The following MYO1B variants were observed in gnomAD, a reference collection of about 807,000 sequenced individuals.
MYO1B encodes unconventional myosin-Ib.
Under a neutral mutation model 159.7 loss-of-function variants are expected in MYO1B, and 72 were observed. That is an observed-to-expected ratio of 0.45 (90% CI 0.37 to 0.55). MYO1B has a LOEUF of 0.55. Among genes scored for constraint, MYO1B ranks in the 20% least tolerant of loss-of-function variants. MYO1B has a pLI of 0.00. For synonymous variants in MYO1B, 468 were observed against 473.8 expected (o/e 0.99, Z 0.16); for missense variants, 1,062 against 1,364.8 (o/e 0.78, Z 3.50).
intron 4 of MYO1B, among the ~76,000 whole-genome samples, chr2:191,337,180 T>C (rs2125937116): frequency 6.6e-6 from 1 of 152,344 alleles, no homozygotes. Context: ...CCCATCCTTT[T>C]GTCATCATGA....
intron 18 of MYO1B, 79 bp downstream of exon 18, chr2:191,390,571 G>A: frequency 7.0e-7 from 1 of 1,430,832 alleles, no homozygotes; most frequent in Non-Finnish European, 9.3e-7. Flanking sequence ...CATGCTGTTA[G>A]ATAAAACAGA....
intron 15 of MYO1B, 124 bp downstream of exon 15, chr2:191,383,466 A>ATACACATATATATGTGTG (rs1695177701): frequency 5.3e-4 from 12 of 22,820 alleles, no homozygotes; most frequent in Admixed American, 8.3e-4. Flanking sequence ...ATATATATAT[A>ATACACATATATATGTGTG]TATATATACA....
Position 191,334,066 on chromosome 2 carries a change from T to C in MYO1B, c.346+4037T>C, listed in dbSNP as rs148831945. On this transcript the variant is annotated intron_variant, in intron 4 of 30. Coordinates refer to ENST00000392318, the MANE Select transcript of MYO1B (RefSeq NM_001130158.3). ...AGAAAAGAAAATATTCCTAAGCCTCTTTCATTCTTACATTCTTTAGCTTTT... is the reference window on the plus strand; with the variant it reads ...AGAAAAGAAAATATTCCTAAGCCTCCTTCATTCTTACATTCTTTAGCTTTT... 1.9e-3 allele frequency among the ~76,000 whole-genome samples: 295 copies of C among 152,242 alleles called. 1 individual carries two copies. Among genetic ancestry groups the C allele is most frequent in the African/African-American group, 6.8e-3 (284 of 41,552 alleles).
At chr2:191,258,434 G>A (rs373823036) in intron 1 of MYO1B, among the ~76,000 whole-genome samples, 55 of 152,294 alleles carry the variant, frequency 3.6e-4, no homozygotes, top group African/African-American at 1.2e-3. Context: ...GGCCTAGGAC[G>A]TTACTGTACA....
intron 17 of MYO1B, among the ~76,000 whole-genome samples, chr2:191,388,573 A>C (rs1385204113): frequency 6.6e-6 from 1 of 152,184 alleles, no homozygotes; most frequent in African/African-American, 2.4e-5. Context: ...ATTTACAGAA[A>C]TGTAAGTAGA....
At chr2:191,321,421 A>T (rs1352446162) in intron 3 of MYO1B, among the ~76,000 whole-genome samples, 1 of 152,202 alleles carries the variant, frequency 6.6e-6, no homozygotes, top group African/African-American at 2.4e-5. Context: ...GAATTTGTTT[A>T]AAGTGAGCCA....
intron 24 of MYO1B, among the ~76,000 whole-genome samples, chr2:191,404,078 C>A (rs1696765783): frequency 6.6e-6 from 1 of 152,106 alleles, no homozygotes; most frequent in Non-Finnish European, 1.5e-5. Flanking sequence ...GAAATAAGAT[C>A]AAACTTACTT....
intron 30 of MYO1B, among the ~76,000 whole-genome samples, chr2:191,423,080 TC>T (rs1217549856): frequency 6.6e-6 from 1 of 152,162 alleles, no homozygotes; most frequent in Non-Finnish European, 1.5e-5. Flanking sequence ...CAAGAAGTGT[TC>T]CCAGTTTCTT....
chr2:191,287,051 G>A (rs1308446094), intron 2 of MYO1B, among the ~76,000 whole-genome samples: 2 of 152,208 alleles, frequency 1.3e-5, no homozygotes, highest in Non-Finnish European at 2.9e-5. Flanking sequence ...TTCAAGTCCT[G>A]ATTTGGCTCT....
At position 191,408,112 on chromosome 2, in the gene MYO1B, A is replaced by T; in HGVS notation, c.2557-3A>T. ...CACTGTAACCTACATCTTCTTTTTA[A>T]AGGTACGTAGAGAATACAGGAAATT... On this transcript the variant is annotated splice_region_variant and splice_polypyrimidine_tract_variant and intron_variant, in intron 24 of 30. Coordinates refer to ENST00000392318, the MANE Select transcript of MYO1B (RefSeq NM_001130158.3). 1 of 1,607,132 alleles carries T rather than the reference A, an allele frequency of 6.2e-7. No individual in the cohort carries two copies. Among genetic ancestry groups the T allele is most frequent in the Non-Finnish European group, 8.5e-7 (1 of 1,173,944 alleles).
At chr2:191,361,148 A>G (rs1028524954) in intron 8 of MYO1B, among the ~76,000 whole-genome samples, 1 of 152,176 alleles carries the variant, frequency 6.6e-6, no homozygotes, top group Non-Finnish European at 1.5e-5. Context: ...AGTCAACTCA[A>G]GTGGAATTTC....
intron 5 of MYO1B, among the ~76,000 whole-genome samples, chr2:191,343,544 C>T (rs750797275): frequency 3.3e-5 from 5 of 152,164 alleles, no homozygotes; most frequent in Admixed American, 6.5e-5. Flanking sequence ...ATCTTAATAA[C>T]GAAGCTATTA....
At chr2:191,324,794 A>G (rs895672179) in intron 3 of MYO1B, among the ~76,000 whole-genome samples, 2 of 152,174 alleles carry the variant, frequency 1.3e-5, no homozygotes, top group African/African-American at 2.4e-5. Flanking sequence ...ACAAATAACT[A>G]TAAAGACTTA....
chr2:191,381,291 C>A, intron 13 of MYO1B, 171 bp from the exon 14 acceptor site: 1 of 691,628 alleles, frequency 1.4e-6, no homozygotes, highest in Non-Finnish European at 2.7e-6. Flanking sequence ...TGACCCACTC[C>A]TCGAGTGCCT....
At chr2:191,251,439 T>G (rs1686108664) in intron 1 of MYO1B, among the ~76,000 whole-genome samples, 2 of 152,202 alleles carry the variant, frequency 1.3e-5, no homozygotes, top group Admixed American at 1.3e-4. Context: ...TTGACATTCT[T>G]CTTTTGCTTA....
At chr2:191,404,413 T>G (rs2126145209) in intron 24 of MYO1B, among the ~76,000 whole-genome samples, 1 of 152,366 alleles carries the variant, frequency 6.6e-6, no homozygotes, top group South Asian at 2.1e-4. Flanking sequence ...TGATATATTC[T>G]TATGTAACTT....
Position 191,423,982 on chromosome 2 carries a change from C to T in MYO1B, c.*22C>T, listed in dbSNP as rs377745020. The T allele has an allele frequency of 3.7e-6, 6 of 1,610,328 alleles. No homozygotes were observed. The highest frequency in any genetic ancestry group is 5.1e-6 in the Non-Finnish European group (6 of 1,178,578). On this transcript the variant is annotated 3_prime_UTR_variant, in exon 31 of 31. Coordinates refer to ENST00000392318, the MANE Select transcript of MYO1B (RefSeq NM_001130158.3). ...TTAACTGGCGCCTCCTCTCTACTTT[C>T]ATGGACTTGTTCCTTTGTAATAGTG...
Position 191,390,383 on chromosome 2 carries a change from G to C in MYO1B, c.1873G>C (p.Val625Leu), listed in dbSNP as rs753030588. The C allele has an allele frequency of 6.2e-7, 1 of 1,614,272 alleles. No individual in the cohort carries two copies. Among genetic ancestry groups the C allele is most frequent in the Non-Finnish European group, 8.5e-7 (1 of 1,180,048 alleles). The change falls in exon 18 of 31, where the codon GTC (valine) becomes CTC (leucine). Residue 625 changes from valine (V) to leucine (L), a missense_variant. Physicochemically the swap from Val to Leu is conservative, Grantham distance 32 (BLOSUM62 1). Transcript: ENST00000392318. The stretch of plus-strand genomic sequence containing the variant: ...CAGGTACCTGGGGCTTTTGGAGAAC[G>C]TCCGAGTGCGGAGGGCAGGCTACGC... The part of the protein sequence containing the change: ...QIRYLGLLEN[V>L]RVRRAGYAFR...
In MYO1B at chr2:191,348,855, T is replaced by C. The variant is rs576319275; in HGVS notation, c.499-1307T>C. Among the ~76,000 whole-genome samples the C allele has an allele frequency of 9.8e-5, 15 of 152,310 alleles. No individual in the cohort carries two copies. The South Asian group carries it at 1.5e-3, about 15-fold the overall frequency. On this transcript the variant is annotated intron_variant, in intron 6 of 30. Coordinates refer to ENST00000392318, the MANE Select transcript of MYO1B (RefSeq NM_001130158.3). ...TTAGGAGCCTTTAAGGACATGGCTT[T>C]GGTGTGACGAGAATATCTCAAAGTA...
Sources: allele counts gnomAD v4.1 joint callset (sites outside exome capture counted in the v4.1 genomes callset), GRCh38; gene constraint gnomAD v4.1.1; transcripts MANE v1.5; gene names NCBI Gene and HGNC (gene_info 2026-07-23, HGNC 2026-07-21).